NALCN: variants seen among roughly 807,000 people sequenced by gnomAD.
NALCN encodes the protein sodium leak channel NALCN.
A neutral mutation model predicts 225.3 loss-of-function variants in NALCN; 111 were observed. The ratio of observed to expected loss-of-function variants is 0.49; its 90% CI spans 0.42 to 0.58. The LOEUF (loss-of-function observed/expected upper bound fraction) is 0.58, where lower values mean the gene tolerates loss of function less well. NALCN is among the 20% of genes least tolerant of loss of function. The pLI is 0.00. For synonymous variants in NALCN, 764 were observed against 769.0 expected (o/e 0.99, Z 0.11); for missense variants, 1,378 against 2,202.4 (o/e 0.63, Z 7.49).
intron 15 of NALCN, among the ~76,000 whole-genome samples, chr13:101,159,233 C>G (rs1454647450): frequency 6.6e-6 from 1 of 152,152 alleles, no homozygotes; most frequent in Non-Finnish European, 1.5e-5. Flanking sequence ...CTGTCAATGA[C>G]AGCATTTATT....
At chr13:101,213,430 A>T (rs908223570) in intron 13 of NALCN, among the ~76,000 whole-genome samples, 21 of 152,216 alleles carry the variant, frequency 1.4e-4, no homozygotes, top group African/African-American at 4.8e-4. Context: ...TGGCAACAGG[A>T]GCCAAAATAG....
intron 7 of NALCN, among the ~76,000 whole-genome samples, chr13:101,332,397 C>CAAAAAA (rs753158247): frequency 2.6e-4 from 15 of 57,798 alleles, no homozygotes; most frequent in Non-Finnish European, 4.0e-4. Flanking sequence ...TTCACAAAGC[C>CAAAAAA]AAAAAAAAAA....
chr13:101,269,203 A>G (rs953786500), intron 10 of NALCN, among the ~76,000 whole-genome samples: 5 of 98,200 alleles, frequency 5.1e-5, no homozygotes, highest in African/African-American at 2.2e-4. Flanking sequence ...GAAAGAGTAG[A>G]AAAAGCTCAT....
chr13:101,346,892 A>G (rs2045756256), intron 6 of NALCN, among the ~76,000 whole-genome samples: 1 of 152,146 alleles, frequency 6.6e-6, no homozygotes, highest in Non-Finnish European at 1.5e-5. Flanking sequence ...GTGTTACACT[A>G]ATTTCCCACT....
At chr13:101,264,592 G>A (rs1477836763) in intron 10 of NALCN, among the ~76,000 whole-genome samples, 2 of 152,086 alleles carry the variant, frequency 1.3e-5, no homozygotes, top group African/African-American at 4.8e-5. Context: ...TCTTTAACAC[G>A]GTTCCCAGGT....
Position 101,206,566 on chromosome 13 carries a change from A to T in NALCN, c.1627-14512T>A, listed in dbSNP as rs534369688. On this transcript the variant is annotated intron_variant, in intron 13 of 43. Coordinates refer to ENST00000251127, the MANE Select transcript of NALCN (RefSeq NM_052867.4). ...TACCTGTTCATGTACTTGCCATTTA[A>T]AAAATAGTTTTTTTCTCACTGATGT... Among the ~76,000 whole-genome samples, 129 of 147,002 alleles carry T rather than the reference A, an allele frequency of 8.8e-4. 3 individuals are homozygous for T. The highest frequency in any genetic ancestry group is 3.1e-3 in the African/African-American group (126 of 41,066).
chr13:101,132,352 A>G (rs61643756), intron 17 of NALCN, among the ~76,000 whole-genome samples: 3,171 of 152,104 alleles, frequency 0.021, 123 homozygotes, highest in African/African-American at 0.073. Flanking sequence ...ATTTTGGTCA[A>G]ATAATATCTT....
intron 17 of NALCN, 66 bp from the exon 18 acceptor site, chr13:101,124,747 T>C: frequency 8.1e-7 from 1 of 1,232,896 alleles, no homozygotes; most frequent in South Asian, 1.3e-5. Context: ...GTCAAATCAT[T>C]CAATAGATGA....
intron 15 of NALCN, among the ~76,000 whole-genome samples, chr13:101,154,841 A>T (rs1448436515): frequency 6.6e-6 from 1 of 152,244 alleles, no homozygotes; most frequent in Non-Finnish European, 1.5e-5. Context: ...CAGATGAGTT[A>T]TATTACTGGC....
intron 12 of NALCN, among the ~76,000 whole-genome samples, chr13:101,232,993 C>A (rs545872777): frequency 2.0e-5 from 3 of 152,128 alleles, no homozygotes; most frequent in South Asian, 4.2e-4. Context: ...ACCACTTCCA[C>A]ATTGGTGATT....
intron 11 of NALCN, among the ~76,000 whole-genome samples, chr13:101,244,271 A>T (rs1021681280): frequency 2.6e-5 from 4 of 152,190 alleles, no homozygotes; most frequent in Non-Finnish European, 4.4e-5. Flanking sequence ...CTAATTATGT[A>T]TACATACAAT....
At chr13:101,126,932 A>G (rs1473564587) in intron 17 of NALCN, among the ~76,000 whole-genome samples, 1 of 152,178 alleles carries the variant, frequency 6.6e-6, no homozygotes, top group Non-Finnish European at 1.5e-5. Flanking sequence ...TTAGACACCT[A>G]AGAACACACA....
chr13:101,399,988 A>C (rs1324160841), intron 1 of NALCN, among the ~76,000 whole-genome samples: 3 of 152,190 alleles, frequency 2.0e-5, no homozygotes, highest in Non-Finnish European at 4.4e-5. Flanking sequence ...TTATAAAGGC[A>C]GGTGGTACCT....
intron 15 of NALCN, among the ~76,000 whole-genome samples, chr13:101,146,109 C>A (rs1458542702): frequency 3.3e-5 from 5 of 152,106 alleles, no homozygotes; most frequent in Admixed American, 3.3e-4. Context: ...ACTCAACTAT[C>A]CTATTGGTTG....
At chr13:101,314,708 T>C (rs2044488979) in intron 7 of NALCN, among the ~76,000 whole-genome samples, 1 of 152,210 alleles carries the variant, frequency 6.6e-6, no homozygotes, top group African/African-American at 2.4e-5. Context: ...CAAATTATAC[T>C]GAACAAAAAG....
At chr13:101,392,979 C>G (rs1468494570) in intron 3 of NALCN, among the ~76,000 whole-genome samples, 2 of 152,084 alleles carry the variant, frequency 1.3e-5, no homozygotes, top group Admixed American at 1.3e-4. Flanking sequence ...TATGAGGAAA[C>G]CTACAAAACT....
Position 101,213,581 on chromosome 13 carries a change from G to T in NALCN, c.1626+15812C>A, listed in dbSNP as rs563527624. Among the ~76,000 whole-genome samples the T allele has an allele frequency of 2.6e-4, 39 of 151,964 alleles. No individual in the cohort carries two copies. The South Asian group carries it at 8.1e-3, about 32-fold the overall frequency. On this transcript the variant is annotated intron_variant, in intron 13 of 43. Coordinates refer to ENST00000251127, the MANE Select transcript of NALCN (RefSeq NM_052867.4). ...AGGGCTAATATCCAGAATCTACAAA[G>T]AACTTAAATTTACAAGAAAAAATCA...
rs140629593 is a variant in NALCN, at chr13:101,369,882, C to A, written c.644+6818G>T. ...AGTCAACTCCCTTACTCACCACTTG[C>A]TTCAATTTTCTTACTCCGTATATGA... On this transcript the variant is annotated intron_variant, in intron 6 of 43. Coordinates refer to ENST00000251127, the MANE Select transcript of NALCN (RefSeq NM_052867.4). Among the ~76,000 whole-genome samples, 44 of 152,312 alleles carry A rather than the reference C, an allele frequency of 2.9e-4. 2 individuals are homozygous for A. The highest frequency in any genetic ancestry group is 9.1e-4 in the African/African-American group (38 of 41,576).
At chr13:101,379,264 G>A (rs1181575242) in intron 3 of NALCN, among the ~76,000 whole-genome samples, 2 of 152,158 alleles carry the variant, frequency 1.3e-5, no homozygotes, top group Non-Finnish European at 2.9e-5. Flanking sequence ...TTACACTGTT[G>A]GTGGGAGTGT....
Sources: gnomAD v4.1 joint callset for allele counts (sites outside exome capture counted in the v4.1 genomes callset) on GRCh38, gnomAD v4.1.1 for gene constraint, MANE v1.5 for transcripts, NCBI Gene and HGNC (gene_info 2026-07-23, HGNC 2026-07-21) for gene names.